The following FAS variants were observed in gnomAD, a reference collection of about 807,000 sequenced individuals.
The protein encoded by FAS is Fas cell surface death receptor.
FAS carries 5 observed loss-of-function variants against 33.2 expected under a neutral mutation model. That is an observed-to-expected ratio of 0.15 (90% CI 0.08 to 0.32). FAS has a LOEUF of 0.32. Among genes scored for constraint, FAS ranks in the 10% least tolerant of loss-of-function variants. The probability of loss-of-function intolerance (pLI) is 1.00; values close to 1 mark genes in which losing one functional copy is unlikely to be tolerated. For missense variants in FAS, 339 were observed against 386.0 expected, an observed-to-expected ratio of 0.88 and a Z score of 1.02; for synonymous variants, 131 against 130.7, an observed-to-expected ratio of 1.00 and a Z score of -0.01.
chr10:88,977,247 G>A (rs1167001344), intron 2 of FAS, among the ~76,000 whole-genome samples: 1 of 151,648 alleles, frequency 6.6e-6, no homozygotes, highest in Admixed American at 6.6e-5. Context: ...CCATGCCTAT[G>A]TCCTGAATGG....
Position 89,016,870 on chromosome 10 carries a change from A to C in FAS, c.*2420A>C, listed in dbSNP as rs1440897125. The C allele has an allele frequency of 5.0e-6, 1 of 201,292 alleles. No homozygotes were observed. Among genetic ancestry groups the C allele is most frequent in the Non-Finnish European group, 1.0e-5 (1 of 97,886 alleles). 12.5% of individuals were successfully genotyped at this position (201,292 alleles called of 1,614,324 possible). A position where few individuals can be genotyped will look rare whatever the true frequency, so the allele number is the denominator to read the frequency against. On this transcript the variant is annotated 3_prime_UTR_variant, in exon 9 of 9. Transcript: ENST00000652046. The stretch of plus-strand genomic sequence containing the variant: ...ACAGGGTCTTCTGACCTCTGATTAG[A>C]TCAGACACTTTTTAGATATTGAATC...
In FAS at chr10:88,972,442, G is replaced by A. The variant is rs1030332286; in HGVS notation, n.95-740G>A. ...TATTTTTAGTCTGTTAATATTTAATGTAATATTTGATACAGTTCGATTTAG... is the reference window on the plus strand; with the variant it reads ...TATTTTTAGTCTGTTAATATTTAATATAATATTTGATACAGTTCGATTTAG... On this transcript the variant is annotated intron_variant and non_coding_transcript_variant, in intron 1 of 3. Coordinates refer to the FAS transcript ENST00000688239. Among the ~76,000 whole-genome samples the A allele has an allele frequency of 2.6e-5, 4 of 152,244 alleles. No individual in the cohort carries two copies. In the South Asian group the frequency reaches 6.2e-4, roughly 24 times the overall value.
At chr10:89,013,301 A>G in intron 7 of FAS, 42 bp from the exon 8 acceptor site, 1 of 1,584,718 alleles carries the variant, frequency 6.3e-7, no homozygotes, top group Non-Finnish European at 8.6e-7. Flanking sequence ...CTAAAGATAT[A>G]TTTTTATTTG....
chr10:89,010,431 G>C (rs1399100758), intron 4 of FAS, 108 bp from the exon 5 acceptor site: 1 of 835,092 alleles, frequency 1.2e-6, no homozygotes, highest in African/African-American at 1.7e-5. Flanking sequence ...ACGTTTGCCA[G>C]AGATGCAAAG....
At chr10:89,011,392 T>C (rs961851580) in intron 6 of FAS, among the ~76,000 whole-genome samples, 2 of 152,214 alleles carry the variant, frequency 1.3e-5, no homozygotes, top group Non-Finnish European at 2.9e-5. Flanking sequence ...TCACACCAAC[T>C]TTCAGTAACT....
At chr10:89,005,260 G>A (rs900668854) in intron 2 of FAS, among the ~76,000 whole-genome samples, 1 of 151,874 alleles carries the variant, frequency 6.6e-6, no homozygotes, top group African/African-American at 2.4e-5. Flanking sequence ...GAAATTATAG[G>A]TGATGCATTA....
chr10:89,011,816 G>C (rs1270112760), intron 6 of FAS, among the ~76,000 whole-genome samples, 183 bp from the exon 7 acceptor site: 3 of 152,198 alleles, frequency 2.0e-5, no homozygotes, highest in Non-Finnish European at 2.9e-5. Context: ...CCTTTCACTA[G>C]AACACTTGAC....
chr10:89,012,112 T>C (rs920273396), intron 7 of FAS, 31 bp downstream of exon 7: 1 of 1,567,974 alleles, frequency 6.4e-7, no homozygotes, highest in Admixed American at 1.7e-5. Context: ...CAGCTTTCCT[T>C]GAAAAGAAAA....
intron 1 of FAS, among the ~76,000 whole-genome samples, chr10:88,970,590 TAGAC>T (rs1846417293): frequency 6.6e-6 from 1 of 152,142 alleles, no homozygotes; most frequent in South Asian, 2.1e-4. Context: ...GTCCAGAAAT[TAGAC>T]AGTTGGCACA....
exon 2 of FAS, chr10:88,973,219 C>T: frequency 6.2e-7 from 1 of 1,612,556 alleles, no homozygotes; most frequent in Non-Finnish European, 8.5e-7. Context: ...TCTGGCACTG[C>T]TTTGGAGATG....
At chr10:88,967,447 C>T (rs191107052) in intron 1 of FAS, among the ~76,000 whole-genome samples, 184 of 152,220 alleles carry the variant, frequency 1.2e-3, no homozygotes, top group African/African-American at 4.1e-3. Flanking sequence ...CATCAGGTGG[C>T]GATGAGGACA....
At chr10:89,002,966 C>T in intron 1 of FAS, 63 bp from the exon 2 acceptor site, 1 of 1,599,700 alleles carries the variant, frequency 6.3e-7, no homozygotes, top group South Asian at 1.1e-5. Context: ...GTGGGTTACA[C>T]TTGTTTACCA....
Position 88,969,302 on chromosome 10 carries a change from CA to C in FAS, n.95-3871del, listed in dbSNP as rs947114557. 5.3e-5 allele frequency among the ~76,000 whole-genome samples: 8 copies of C among 151,526 alleles called. No individual in the cohort carries two copies. In the South Asian group the frequency reaches 1.5e-3, roughly 28 times the overall value. On this transcript the variant is annotated intron_variant and non_coding_transcript_variant, in intron 1 of 3. Transcript: ENST00000688239. The stretch of plus-strand genomic sequence containing the variant: ...AAGCTCTTTAGTGTCAATTTTCCAT[CA>C]AAAAAAAATCTTTGGAAGAAGTGAG...
At chr10:88,967,409 T>C (rs545664263) in intron 1 of FAS, among the ~76,000 whole-genome samples, 1 of 152,296 alleles carries the variant, frequency 6.6e-6, no homozygotes, top group South Asian at 2.1e-4. Context: ...TTTTCATCTA[T>C]AAAATGAGAA....
intron 4 of FAS, among the ~76,000 whole-genome samples, 155 bp downstream of exon 4, chr10:89,009,152 G>A (rs571754035): frequency 6.6e-6 from 1 of 152,294 alleles, no homozygotes; most frequent in East Asian, 1.9e-4. Flanking sequence ...TTAAACACTG[G>A]TGAACTTCCT....
chr10:89,011,922 C>G, intron 6 of FAS, 77 bp from the exon 7 acceptor site: 1 of 1,248,880 alleles, frequency 8.0e-7, no homozygotes, highest in Non-Finnish European at 1.2e-6. Flanking sequence ...TTATATTTCT[C>G]TTAGTGTGAA....
intron 2 of FAS, among the ~76,000 whole-genome samples, chr10:88,977,547 T>G (rs1204158508): frequency 1.3e-5 from 2 of 151,608 alleles, no homozygotes; most frequent in African/African-American, 2.4e-5. Flanking sequence ...CAAACAAATT[T>G]ACAAGAAAAA....
Position 89,015,560 on chromosome 10 carries a change from C to T in FAS, c.*1110C>T, listed in dbSNP as rs2119471789. 1.9e-6 allele frequency: 1 copy of T among 532,950 alleles called. No individual in the cohort carries two copies. The highest frequency in any genetic ancestry group is 1.9e-5 in the African/African-American group (1 of 53,918). 33.0% of individuals were successfully genotyped at this position (532,950 alleles called of 1,614,324 possible). The stretch of plus-strand genomic sequence containing the variant: ...CAAGTTTCTAAGATTTAAGATTCTC[C>T]TTACTACTATCCTACGTTTAAATAT... On this transcript the variant is annotated 3_prime_UTR_variant, in exon 9 of 9. Transcript: ENST00000652046.
rs775814352 is a variant in FAS at position 89,015,531 on chromosome 10, C to A, written c.*1081C>A. ...GGATTTAGGAATTGCTCTTGTCATA[C>A]CCCCAAGTTTCTAAGATTTAAGATT... On this transcript the variant is annotated 3_prime_UTR_variant, in exon 9 of 9. Coordinates refer to ENST00000652046, the MANE Select transcript of FAS (RefSeq NM_000043.6). The A allele has an allele frequency of 9.4e-6, 5 of 533,948 alleles. No homozygotes were observed. Among genetic ancestry groups the A allele is most frequent in the Non-Finnish European group, 1.8e-5 (5 of 276,450 alleles). The allele number at this position is 533,948 out of a possible 1,614,324, so 33.1% of individuals were successfully genotyped here. A position where few individuals can be genotyped will look rare whatever the true frequency, so the allele number is the denominator to read the frequency against.
Sources: gnomAD v4.1 joint callset for allele counts (sites outside exome capture counted in the v4.1 genomes callset) on GRCh38, gnomAD v4.1.1 for gene constraint, MANE v1.5 for transcripts, NCBI Gene and HGNC (gene_info 2026-07-23, HGNC 2026-07-21) for gene names.